The following SDK2 variants were observed in gnomAD, a reference collection of about 807,000 sequenced individuals.
SDK2 encodes sidekick cell adhesion molecule 2, also known as protein sidekick-2.
Under a neutral mutation model 253.9 loss-of-function variants are expected in SDK2, and 105 were observed. That is an observed-to-expected ratio of 0.41 (90% CI 0.35 to 0.49). The LOEUF (loss-of-function observed/expected upper bound fraction) is 0.49. Among genes scored for constraint, SDK2 ranks in the 20% least tolerant of loss-of-function variants. The probability of loss-of-function intolerance (pLI) is 0.06; values close to 1 mark genes in which losing one functional copy is unlikely to be tolerated. For synonymous variants in SDK2, 1,249 were observed against 1,234.9 expected, an observed-to-expected ratio of 1.01 and a Z score of -0.24; for missense variants, 2,608 against 3,003.0, an observed-to-expected ratio of 0.87 and a Z score of 3.07.
intron 1 of SDK2, among the ~76,000 whole-genome samples, chr17:73,577,064 G>T (rs1439160437): frequency 6.6e-6 from 1 of 152,208 alleles, no homozygotes; most frequent in Non-Finnish European, 1.5e-5. Flanking sequence ...TCCCCTATGG[G>T]AGGGTCCAGG....
At chr17:73,425,563 C>T (rs916744442) in intron 12 of SDK2, among the ~76,000 whole-genome samples, 4 of 151,784 alleles carry the variant, frequency 2.6e-5, no homozygotes, top group African/African-American at 7.3e-5. Context: ...GCTGGAGTGC[C>T]GTGGTGCGGT....
At chr17:73,452,881 C>A (rs2063498900) in intron 4 of SDK2, among the ~76,000 whole-genome samples, 1 of 152,150 alleles carries the variant, frequency 6.6e-6, no homozygotes. Context: ...GTGTGGAGAG[C>A]ATTCCCCTTC....
intron 44 of SDK2, among the ~76,000 whole-genome samples, chr17:73,343,423 G>A (rs1031686423): frequency 6.6e-6 from 1 of 152,256 alleles, no homozygotes; most frequent in Non-Finnish European, 1.5e-5. Context: ...GGGGTAGGGC[G>A]AGAAGAGAAG....
At chr17:73,625,563 C>A (rs902737984) in intron 1 of SDK2, among the ~76,000 whole-genome samples, 3 of 152,182 alleles carry the variant, frequency 2.0e-5, no homozygotes, top group African/African-American at 7.2e-5. Context: ...TAGAAGGGCA[C>A]CACCCTTGGT....
chr17:73,338,131 C>G lies in SDK2; in HGVS notation c.*456G>C, dbSNP rs184356824. The G allele has an allele frequency of 1.1e-3, 295 of 267,284 alleles. No individual in the cohort carries two copies. The highest frequency in any genetic ancestry group is 6.4e-3 in the African/African-American group (278 of 43,736). The allele number at this position is 267,284 out of a possible 1,614,324, so 16.6% of individuals were successfully genotyped here. A position where few individuals can be genotyped will look rare whatever the true frequency, so the allele number is the denominator to read the frequency against. On this transcript the variant is annotated 3_prime_UTR_variant, in exon 45 of 45. Coordinates refer to ENST00000392650, the MANE Select transcript of SDK2 (RefSeq NM_001144952.2). The surrounding 1 kb of genome is among the most constrained non-coding windows in gnomAD (Gnocchi z 5.0). ...AGGCGTGGCCTCCGGGATGCCCATT[C>G]TTTTTGCAGAGAGCAGCGGCAGTGG...
chr17:73,347,810 C>A (rs141360163), intron 44 of SDK2, among the ~76,000 whole-genome samples: 101 of 152,300 alleles, frequency 6.6e-4, no homozygotes, highest in African/African-American at 2.1e-3. Flanking sequence ...AGTGTCCCCA[C>A]GTGACCCACC....
At chr17:73,498,527 T>C (rs912927200) in intron 2 of SDK2, among the ~76,000 whole-genome samples, 1 of 152,192 alleles carries the variant, frequency 6.6e-6, no homozygotes, top group Non-Finnish European at 1.5e-5. Flanking sequence ...CCTTGCCTGA[T>C]GAATGAACAA....
At chr17:73,351,408 C>T (rs926632456) in intron 41 of SDK2, among the ~76,000 whole-genome samples, 16 of 152,158 alleles carry the variant, frequency 1.1e-4, no homozygotes, top group African/African-American at 3.9e-4. Context: ...CCGTTCCCGG[C>T]CCCTTTTCTT....
rs962180884 is a variant in SDK2, at chr17:73,424,188, C to G, written c.1584-96G>C. ...TTGTCCCGAGAAAATAGCTCCAAAG[C>G]TGGGCAGAGGACAACTGCAGGCAAC... On this transcript the variant is annotated intron_variant, in intron 12 of 44. Transcript: ENST00000392650. 3 of 1,080,748 alleles carry G rather than the reference C, an allele frequency of 2.8e-6. No individual in the cohort carries two copies. The African/African-American group carries it at 4.7e-5, about 17-fold the overall frequency. 66.9% of individuals were successfully genotyped at this position (1,080,748 alleles called of 1,614,324 possible). A position where few individuals can be genotyped will look rare whatever the true frequency, so the allele number is the denominator to read the frequency against.
chr17:73,566,972 T>A (rs1263616257), intron 1 of SDK2, among the ~76,000 whole-genome samples: 1 of 151,958 alleles, frequency 6.6e-6, no homozygotes, highest in East Asian at 1.9e-4. Flanking sequence ...CCCAAGGCAC[T>A]TGTAAGATAA....
intron 4 of SDK2, among the ~76,000 whole-genome samples, chr17:73,452,919 AG>A (rs1358343020): frequency 2.0e-5 from 3 of 152,214 alleles, no homozygotes; most frequent in Non-Finnish European, 4.4e-5. Context: ...ATCCACGCTA[AG>A]AAACATCCAT....
chr17:73,479,813 C>A (rs1284329136), intron 2 of SDK2, among the ~76,000 whole-genome samples: 1 of 152,236 alleles, frequency 6.6e-6, no homozygotes, highest in Non-Finnish European at 1.5e-5. Flanking sequence ...GCCTCAGCCT[C>A]CCAAGTAGCT....
At chr17:73,503,037 C>A (rs531935020) in intron 2 of SDK2, among the ~76,000 whole-genome samples, 1 of 152,264 alleles carries the variant, frequency 6.6e-6, no homozygotes, top group African/African-American at 2.4e-5. Context: ...GAGGATATAA[C>A]TGGACAAACC....
At chr17:73,566,072 T>C (rs2145859047) in intron 1 of SDK2, among the ~76,000 whole-genome samples, 1 of 152,316 alleles carries the variant, frequency 6.6e-6, no homozygotes. Context: ...CCACCCACCT[T>C]GGCCTCCCAA....
chr17:73,369,051 C>A, intron 36 of SDK2: 1 of 389,262 alleles, frequency 2.6e-6, no homozygotes, highest in Non-Finnish European at 5.3e-6. Context: ...TTTTAGAAAC[C>A]TTTCTGGAAC....
At chr17:73,424,610 G>C (rs754541300) in intron 12 of SDK2, among the ~76,000 whole-genome samples, 4 of 152,176 alleles carry the variant, frequency 2.6e-5, no homozygotes, top group Non-Finnish European at 5.9e-5. Flanking sequence ...AATTACACAC[G>C]CATCAGTGCT....
rs545506778 is a variant in SDK2, at chr17:73,411,476, C to T, written c.2484+3168G>A. ...AGCTCAGGGCCTGCAGTGCTCTCCGCTTCACAGCTGGCCTCCCCTCAAATG... is the reference window on the plus strand; with the variant it reads ...AGCTCAGGGCCTGCAGTGCTCTCCGTTTCACAGCTGGCCTCCCCTCAAATG... On this transcript the variant is annotated intron_variant, in intron 18 of 44. Transcript: ENST00000392650. Among the ~76,000 whole-genome samples, 3 of 152,302 alleles carry T rather than the reference C, an allele frequency of 2.0e-5. No homozygotes were observed. The South Asian group carries it at 6.2e-4, about 32-fold the overall frequency.
intron 29 of SDK2, among the ~76,000 whole-genome samples, chr17:73,388,814 C>CTCCTT (rs758405988): frequency 4.5e-4 from 36 of 79,876 alleles, no homozygotes; most frequent in Non-Finnish European, 8.4e-4. Context: ...TTCCTTCCCT[C>CTCCTT]CCTCTCCTTC....
chr17:73,474,009 T>C (rs969661937), intron 2 of SDK2, among the ~76,000 whole-genome samples: 3 of 152,126 alleles, frequency 2.0e-5, no homozygotes, highest in African/African-American at 7.2e-5. Flanking sequence ...TTAAAAACAT[T>C]TTTCCTTCTT....
Sources: allele counts gnomAD v4.1 joint callset (sites outside exome capture counted in the v4.1 genomes callset), GRCh38; gene constraint gnomAD v4.1.1; non-coding constraint Gnocchi (gnomAD v3.1); transcripts MANE v1.5; gene names NCBI Gene and HGNC (gene_info 2026-07-23, HGNC 2026-07-21).